EIF4A3: variants seen among roughly 807,000 people sequenced by gnomAD.
EIF4A3 encodes eukaryotic translation initiation factor 4A3, also known as eukaryotic initiation factor 4A-III.
Under a neutral mutation model 55.6 loss-of-function variants are expected in EIF4A3, and 1 was observed. The observed-to-expected ratio is 0.02, with a 90% CI of 0.01 to 0.09. The LOEUF is 0.09. Ranked by LOEUF, EIF4A3 falls within the 10% of genes least tolerant of loss-of-function variation. EIF4A3 has a pLI of 1.00. For synonymous variants in EIF4A3, 194 were observed against 196.3 expected (o/e 0.99, Z 0.10); for missense variants, 221 against 540.7 (o/e 0.41, Z 5.86).
intron 6 of EIF4A3, chr17:80,139,381 C>T (rs2039599793): frequency 1.5e-6 from 1 of 662,802 alleles, no homozygotes; most frequent in South Asian, 2.1e-5. Flanking sequence ...TCTGGTTTCC[C>T]TTTGGTGCTT....
chr17:80,135,476 A>G lies in EIF4A3; in HGVS notation c.*14T>C, dbSNP rs2039562910. On this transcript the variant is annotated 3_prime_UTR_variant, in exon 12 of 12. Transcript: ENST00000649764. ...GCAGGTGAACAGTCTCCCTCATCCC[A>G]CTGATCTGCTGCTTCAGATAAGATC... is the stretch of plus-strand genomic sequence containing the variant. The G allele has an allele frequency of 6.4e-7, 1 of 1,556,682 alleles. No homozygotes were observed. Among genetic ancestry groups the G allele is most frequent in the Non-Finnish European group, 8.7e-7 (1 of 1,149,634 alleles).
chr17:80,143,774 T>A (rs922109382), intron 2 of EIF4A3, among the ~76,000 whole-genome samples: 2 of 150,196 alleles, frequency 1.3e-5, no homozygotes, highest in African/African-American at 4.9e-5. Flanking sequence ...AGGTCAGGAG[T>A]TTGAGACCAG....
At chr17:80,137,725 T>TG (rs751425489) in intron 8 of EIF4A3, 8 of 513,370 alleles carry the variant, frequency 1.6e-5, no homozygotes, top group Admixed American at 7.0e-5. Flanking sequence ...AATGACTCTA[T>TG]GGGGGGAGGG....
At chr17:80,136,365 T>A in intron 9 of EIF4A3, 30 bp from the exon 10 acceptor site, 1 of 1,558,786 alleles carries the variant, frequency 6.4e-7, no homozygotes. Flanking sequence ...TTGAGGCGAT[T>A]AAATTACTCA....
chr17:80,142,472 C>A (rs954008653), intron 2 of EIF4A3, among the ~76,000 whole-genome samples: 28 of 152,266 alleles, frequency 1.8e-4, no homozygotes, highest in African/African-American at 5.3e-4. Flanking sequence ...CATGTCACGG[C>A]GTGGTGGCTC....
intron 5 of EIF4A3, 88 bp downstream of exon 5, chr17:80,139,920 C>G: frequency 6.4e-7 from 1 of 1,553,528 alleles, no homozygotes; most frequent in Non-Finnish European, 8.7e-7. Flanking sequence ...TACCGTGCGG[C>G]CTACCAAATC....
intron 9 of EIF4A3, chr17:80,136,713 C>T (rs2039573517): frequency 5.2e-6 from 1 of 190,670 alleles, no homozygotes; most frequent in Admixed American, 5.5e-5. Flanking sequence ...TGCCTGTAAT[C>T]CCAGCACTGC....
intron 9 of EIF4A3, 74 bp downstream of exon 9, chr17:80,137,312 A>T: frequency 7.5e-7 from 1 of 1,327,576 alleles, no homozygotes; most frequent in Non-Finnish European, 1.0e-6. Context: ...GCCTGCACTT[A>T]GGCGGTACAT....
intron 4 of EIF4A3, 191 bp from the exon 5 acceptor site, chr17:80,140,331 T>TAA: frequency 2.1e-6 from 1 of 481,440 alleles, no homozygotes; most frequent in Non-Finnish European, 3.1e-6. Flanking sequence ...TTTTTTTTTT[T>TAA]GAGACGGAGT....
intron 7 of EIF4A3, chr17:80,138,540 C>A (rs1461565374): frequency 1.1e-5 from 5 of 444,270 alleles, no homozygotes; most frequent in African/African-American, 5.8e-5. Context: ...TAAATAGTCA[C>A]CTAATTTTTA....
chr17:80,138,490 GCAC>G (rs2039591706), intron 7 of EIF4A3: 9 of 557,306 alleles, frequency 1.6e-5, no homozygotes, highest in South Asian at 1.5e-4. Context: ...TTCACAATGT[GCAC>G]CACATGGAAT....
rs542424558 is a variant in EIF4A3 at position 80,147,009 on chromosome 17, C to CTG, written c.-50_-49dup. 972 of 1,387,400 alleles carry CTG rather than the reference C, an allele frequency of 7.0e-4. 4 individuals carry two copies. The highest frequency in any genetic ancestry group is 1.8e-3 in the Middle Eastern group (7 of 3,856). 85.9% of individuals were successfully genotyped at this position (1,387,400 alleles called of 1,614,324 possible). Reference sequence around the variant, plus strand: ...ACAGCGCGCGCCGCTGCCGACCTCGCTGCCGCTGCCGACCTCGCTGTGCCG... The same window carrying CTG: ...ACAGCGCGCGCCGCTGCCGACCTCGCTGTGCCGCTGCCGACCTCGCTGTGCCG... On this transcript the variant is annotated 5_prime_UTR_variant, in exon 1 of 12. Coordinates refer to ENST00000649764, the MANE Select transcript of EIF4A3 (RefSeq NM_014740.4).
intron 3 of EIF4A3, 186 bp downstream of exon 3, chr17:80,141,594 TAA>T (rs2039619557): frequency 4.1e-6 from 3 of 730,464 alleles, no homozygotes; most frequent in Non-Finnish European, 6.6e-6. Context: ...TTCCTCTAGT[TAA>T]ATAGAAAATC....
In EIF4A3 at chr17:80,136,000, C is replaced by A. The variant is rs370320467; in HGVS notation, c.1219+4G>T. 8 of 1,613,538 alleles carry A rather than the reference C, an allele frequency of 5.0e-6. No homozygotes were observed. The South Asian group carries it at 7.7e-5, about 16-fold the overall frequency. Reference sequence around the variant, plus strand: ...AATTACAGTAGAGCTGGACGATTTCCTACCGTTCATCGGCATCTCATCAAT... The same window carrying A: ...AATTACAGTAGAGCTGGACGATTTCATACCGTTCATCGGCATCTCATCAAT... On this transcript the variant is annotated splice_donor_region_variant and intron_variant, in intron 11 of 11. Transcript: ENST00000649764.
At chr17:80,135,793 G>A in intron 11 of EIF4A3, 1 of 636,294 alleles carries the variant, frequency 1.6e-6, no homozygotes, top group Non-Finnish European at 2.7e-6. Flanking sequence ...TACTCAGGAG[G>A]CTGAGGCAGG....
chr17:80,139,891 T>G (rs2039603564), intron 5 of EIF4A3, 117 bp downstream of exon 5: 1 of 1,519,582 alleles, frequency 6.6e-7, no homozygotes, highest in Non-Finnish European at 8.9e-7. Flanking sequence ...CTCCTGCAAG[T>G]GACCCAGGTG....
rs536495703 is a variant in EIF4A3 at position 80,136,512 on chromosome 17, G to C, written c.984-177C>G. ...CTCAGGGACAGCACCAGAAACCCCT[G>C]TGCAGAGGGGCTGTTGGTGGATTTA... On this transcript the variant is annotated intron_variant, in intron 9 of 11. Transcript: ENST00000649764. 15 of 591,736 alleles carry C rather than the reference G, an allele frequency of 2.5e-5. No homozygotes were observed. The East Asian group carries it at 3.9e-4, about 15-fold the overall frequency. 36.7% of individuals were successfully genotyped at this position (591,736 alleles called of 1,614,324 possible). A position where few individuals can be genotyped will look rare whatever the true frequency, so the allele number is the denominator to read the frequency against.
intron 8 of EIF4A3, 158 bp from the exon 9 acceptor site, chr17:80,137,659 T>C (rs1365067812): frequency 3.2e-6 from 2 of 621,048 alleles, no homozygotes; most frequent in East Asian, 3.0e-5. Flanking sequence ...AAAAACTTTT[T>C]CCCAGAAAAT....
At position 80,139,513 on chromosome 17, in the gene EIF4A3, G is replaced by C. The variant is rs2039600477; in HGVS notation, c.586+157C>G. On this transcript the variant is annotated intron_variant, in intron 6 of 11. Coordinates refer to ENST00000649764, the MANE Select transcript of EIF4A3 (RefSeq NM_014740.4). ...GAACAAATAAATAAAATCAAGGTAG[G>C]AATTTTTTGTTCATAATTGCCAAGG... 5.7e-6 allele frequency: 4 copies of C among 700,954 alleles called. No individual in the cohort carries two copies. The Admixed American group carries it at 1.3e-4, about 22-fold the overall frequency. The allele number at this position is 700,954 out of a possible 1,614,324, so 43.4% of individuals were successfully genotyped here. A position where few individuals can be genotyped will look rare whatever the true frequency, so the allele number is the denominator to read the frequency against.
Sources: allele counts gnomAD v4.1 joint callset (sites outside exome capture counted in the v4.1 genomes callset), GRCh38; gene constraint gnomAD v4.1.1; transcripts MANE v1.5; gene names NCBI Gene and HGNC (gene_info 2026-07-23, HGNC 2026-07-21).